CTNNA3: variants seen among roughly 807,000 people sequenced by gnomAD.
The protein encoded by CTNNA3 is catenin alpha 3, also known as catenin alpha-3.
In CTNNA3, 76 loss-of-function variants were observed where a neutral mutation model predicts 95.7. The observed-to-expected ratio is 0.79, with a 90% confidence interval of 0.66 to 0.96. CTNNA3 has a LOEUF of 0.96. Among genes scored for constraint, CTNNA3 ranks in the 40% least tolerant of loss-of-function variants. The probability of loss-of-function intolerance (pLI) is 0.00; values close to 1 mark genes in which losing one functional copy is unlikely to be tolerated. For synonymous variants in CTNNA3, 431 were observed against 374.4 expected (o/e 1.15, Z -1.74); for missense variants, 1,191 against 1,089.8 (o/e 1.09, Z -1.31).
rs190188265 is a variant in CTNNA3, at chr10:67,007,538, G to C, written c.1047+172779C>G. ...TCAACTGCCACTGAAACTTTAATTAGGTCAAACTTGGAATCTAAAATCTTA... is the reference window on the plus strand; with the variant it reads ...TCAACTGCCACTGAAACTTTAATTACGTCAAACTTGGAATCTAAAATCTTA... On this transcript the variant is annotated intron_variant, in intron 7 of 17. Coordinates refer to ENST00000433211, the MANE Select transcript of CTNNA3 (RefSeq NM_013266.4). Among the ~76,000 whole-genome samples, 498 of 151,650 alleles carry C rather than the reference G, an allele frequency of 3.3e-3. 5 individuals are homozygous for C. The highest frequency in any genetic ancestry group is 0.011 in the African/African-American group (468 of 41,378).
At position 67,189,310 on chromosome 10, in the gene CTNNA3, A is replaced by G. The variant is rs138233468; in HGVS notation, c.844-8790T>C. 2.9e-3 allele frequency among the ~76,000 whole-genome samples: 448 copies of G among 152,174 alleles called. 2 individuals are homozygous for G. The highest frequency in any genetic ancestry group is 0.01 in the African/African-American group (429 of 41,528). On this transcript the variant is annotated intron_variant, in intron 6 of 17. Coordinates refer to ENST00000433211, the MANE Select transcript of CTNNA3 (RefSeq NM_013266.4). ...GACACAGAGTGGAGTGGTGGTTACC[A>G]GGGGCTAGGGGGCAGGGACAGGATT... is the stretch of plus-strand genomic sequence containing the variant.
intron 5 of CTNNA3, among the ~76,000 whole-genome samples, chr10:67,276,871 G>C (rs1589117801): frequency 1.3e-5 from 2 of 151,526 alleles, no homozygotes; most frequent in East Asian, 3.9e-4. Flanking sequence ...TATACATTGT[G>C]GTTCTAATTA....
In CTNNA3 at chr10:66,939,534, A is replaced by T. The variant is rs939955284; in HGVS notation, c.1048-164010T>A. ...CTCTTTTGTTTGGGCCTATAAATGAAGAACTATAATTTTGTAAATTATAGT... is the reference window on the plus strand; with the variant it reads ...CTCTTTTGTTTGGGCCTATAAATGATGAACTATAATTTTGTAAATTATAGT... On this transcript the variant is annotated intron_variant, in intron 7 of 17. Coordinates refer to ENST00000433211, the MANE Select transcript of CTNNA3 (RefSeq NM_013266.4). 3.9e-5 allele frequency among the ~76,000 whole-genome samples: 6 copies of T among 152,208 alleles called. No homozygotes were observed. In the East Asian group the frequency reaches 9.6e-4, roughly 24 times the overall value.
At chr10:66,801,908 C>T (rs1440049186) in intron 7 of CTNNA3, among the ~76,000 whole-genome samples, 1 of 151,472 alleles carries the variant, frequency 6.6e-6, no homozygotes, top group Non-Finnish European at 1.5e-5. Flanking sequence ...TAAATAAGTA[C>T]ATCAATGAAA....
At chr10:67,622,830 T>C (rs1404664651) in intron 2 of CTNNA3, among the ~76,000 whole-genome samples, 1 of 152,222 alleles carries the variant, frequency 6.6e-6, no homozygotes, top group Admixed American at 6.5e-5. Flanking sequence ...CTATACTGAA[T>C]CATCTTAAAC....
intron 15 of CTNNA3, among the ~76,000 whole-genome samples, chr10:66,053,849 G>A (rs2080014603): frequency 6.6e-6 from 1 of 151,942 alleles, no homozygotes; most frequent in Non-Finnish European, 1.5e-5. Context: ...GCTACCAAAT[G>A]CCAGATCTTA....
Position 66,083,836 on chromosome 10 carries a change from T to C in CTNNA3, c.1978-14347A>G, listed in dbSNP as rs1415425341. ...ACTCACTTCTCCAAGTGATTTACAT[T>C]AGAAATGATAGTGAGTTGGCTGGGT... is the stretch of plus-strand genomic sequence containing the variant. On this transcript the variant is annotated intron_variant, in intron 14 of 17. Coordinates refer to ENST00000433211, the MANE Select transcript of CTNNA3 (RefSeq NM_013266.4). 2.6e-5 allele frequency among the ~76,000 whole-genome samples: 4 copies of C among 152,062 alleles called. No individual in the cohort carries two copies. In the East Asian group the frequency reaches 5.8e-4, roughly 22 times the overall value.
At chr10:66,036,160 A>G (rs898423277) in intron 15 of CTNNA3, among the ~76,000 whole-genome samples, 7 of 152,150 alleles carry the variant, frequency 4.6e-5, no homozygotes, top group Non-Finnish European at 8.8e-5. Flanking sequence ...ATCTACCAGC[A>G]TATGGATTTG....
chr10:67,562,610 T>G (rs1313650927), intron 3 of CTNNA3, among the ~76,000 whole-genome samples: 1 of 152,148 alleles, frequency 6.6e-6, no homozygotes, highest in African/African-American at 2.4e-5. Context: ...ACCACTCCTA[T>G]TCAACATAGT....
intron 5 of CTNNA3, among the ~76,000 whole-genome samples, chr10:67,345,208 C>T (rs184933710): frequency 3.9e-4 from 60 of 152,148 alleles, no homozygotes; most frequent in African/African-American, 1.4e-3. Flanking sequence ...AGAGAAGATG[C>T]TTGATATTTC....
chr10:66,804,865 T>G (rs1404070000), intron 7 of CTNNA3, among the ~76,000 whole-genome samples: 1 of 152,102 alleles, frequency 6.6e-6, no homozygotes, highest in Non-Finnish European at 1.5e-5. Flanking sequence ...GGCCCTTGAC[T>G]GGAACTTGGG....
chr10:66,978,104 T>C (rs1277640574), intron 7 of CTNNA3, among the ~76,000 whole-genome samples: 1 of 151,508 alleles, frequency 6.6e-6, no homozygotes, highest in Non-Finnish European at 1.5e-5. Flanking sequence ...GCGATGACGT[T>C]CCTGAAAATA....
chr10:66,050,167 A>G (rs1589294194), intron 15 of CTNNA3, among the ~76,000 whole-genome samples: 1 of 66,186 alleles, frequency 1.5e-5, no homozygotes, highest in African/African-American at 5.3e-5. Context: ...TGCCTCTGAG[A>G]ATAATTCCCA....
intron 9 of CTNNA3, among the ~76,000 whole-genome samples, chr10:66,740,664 A>G (rs1215324994): frequency 3.9e-5 from 6 of 152,216 alleles, no homozygotes; most frequent in African/African-American, 4.8e-5. Context: ...TTATTCTCAC[A>G]GACACAAACA....
intron 5 of CTNNA3, among the ~76,000 whole-genome samples, chr10:67,511,158 C>G (rs1264950081): frequency 1.3e-5 from 2 of 152,196 alleles, no homozygotes; most frequent in African/African-American, 2.4e-5. Flanking sequence ...TTGACTTCCT[C>G]TTTTCCTAAT....
chr10:66,092,902 T>G (rs557002716), intron 14 of CTNNA3, among the ~76,000 whole-genome samples: 1 of 151,910 alleles, frequency 6.6e-6, no homozygotes, highest in South Asian at 2.1e-4. Flanking sequence ...AAAAACTAAA[T>G]TAAGAAAAAC....
intron 15 of CTNNA3, among the ~76,000 whole-genome samples, chr10:66,056,110 A>G (rs189978387): frequency 6.6e-6 from 1 of 152,214 alleles, no homozygotes; most frequent in Non-Finnish European, 1.5e-5. Flanking sequence ...CAGCTGTTAA[A>G]GGAGAGGCTT....
At chr10:66,013,848 G>A (rs1039106613) in intron 15 of CTNNA3, among the ~76,000 whole-genome samples, 2 of 152,028 alleles carry the variant, frequency 1.3e-5, no homozygotes, top group African/African-American at 2.4e-5. Flanking sequence ...CTAATAGCTT[G>A]GCAATTCAAC....
At chr10:67,609,110 A>AAAC (rs1843375022) in intron 2 of CTNNA3, among the ~76,000 whole-genome samples, 2 of 151,112 alleles carry the variant, frequency 1.3e-5, no homozygotes, top group Non-Finnish European at 3.0e-5. Flanking sequence ...AAAAAAAAAA[A>AAAC]CAACCCATTT....
Sources: gnomAD v4.1 joint callset for allele counts (sites outside exome capture counted in the v4.1 genomes callset) on GRCh38, gnomAD v4.1.1 for gene constraint, MANE v1.5 for transcripts, NCBI Gene and HGNC (gene_info 2026-07-23, HGNC 2026-07-21) for gene names.